The following ELF4 variants were observed in gnomAD, a reference collection of about 807,000 sequenced individuals.
The protein encoded by ELF4 is ETS-related transcription factor Elf-4.
ELF4 carries 10 observed loss-of-function variants against 31.7 expected under a neutral mutation model. That is an observed-to-expected ratio of 0.32 (90% confidence interval 0.19 to 0.54). The LOEUF is 0.54. ELF4 is among the 20% of genes least tolerant of loss of function. The pLI is 0.95. For missense variants in ELF4, 418 were observed against 522.0 expected, an observed-to-expected ratio of 0.80 and a Z score of 1.94; for synonymous variants, 208 against 226.7, an observed-to-expected ratio of 0.92 and a Z score of 0.74.
intron 2 of ELF4, among the ~76,000 whole-genome samples, chrX:130,078,762 TACA>T (rs1932858523): frequency 2.4e-5 from 2 of 84,886 alleles, no homozygotes; most frequent in African/African-American, 4.6e-5. Flanking sequence ...TCTCTCTCTC[TACA>T]CACACACACA....
rs994158688 is a variant in ELF4, at chrX:130,065,879, A to G, written c.*842T>C. On this transcript the variant is annotated 3_prime_UTR_variant, in exon 9 of 9. Coordinates refer to ENST00000308167, the MANE Select transcript of ELF4 (RefSeq NM_001421.4). The stretch of plus-strand genomic sequence containing the variant: ...CAGCAAAGCACTTTGGGGTGGCCCA[A>G]GATTCCAGCCTGACTGCAAGGTGAC... 5 of 173,475 alleles carry G rather than the reference A, an allele frequency of 2.9e-5. No homozygotes were observed. The highest frequency in any genetic ancestry group is 5.9e-5 in the African/African-American group (2 of 33,874). 14.3% of individuals were successfully genotyped at this position (173,475 alleles called of 1,213,427 possible). A position where few individuals can be genotyped will look rare whatever the true frequency, so the allele number is the denominator to read the frequency against.
At chrX:130,086,845 G>C (rs1029370330) in intron 1 of ELF4, among the ~76,000 whole-genome samples, 1 of 112,458 alleles carries the variant, frequency 8.9e-6, no homozygotes, top group Non-Finnish European at 1.9e-5. Context: ...AGAATACACA[G>C]GGTGGGGCTG....
chrX:130,064,373 G>T lies in ELF4; in HGVS notation c.*2348C>A, dbSNP rs923504946. On this transcript the variant is annotated 3_prime_UTR_variant, in exon 9 of 9. Transcript: ENST00000308167. ...GAATCACTTGAGCCTGGGAGGCAGA[G>T]GTTGCAGTGAACCGAGATTGCACCA... Among the ~76,000 whole-genome samples, 5 of 112,144 alleles carry T rather than the reference G, an allele frequency of 4.5e-5. No homozygotes were observed. Among genetic ancestry groups the T allele is most frequent in the African/African-American group, 1.6e-4 (5 of 30,823 alleles).
intron 1 of ELF4, among the ~76,000 whole-genome samples, chrX:130,100,614 C>A (rs1051516662): frequency 8.9e-6 from 1 of 111,839 alleles, no homozygotes; most frequent in African/African-American, 3.3e-5. Context: ...CCACCAACCC[C>A]ATGGAGCTGG....
chrX:130,110,033 A>C (rs1407434999), intron 1 of ELF4, among the ~76,000 whole-genome samples: 9 of 111,697 alleles, frequency 8.1e-5, no homozygotes, highest in African/African-American at 2.9e-4. Flanking sequence ...GCCCGCTGTC[A>C]TGATCGGCCC....
rs755550986 is a variant in ELF4 at position 130,071,253 on chromosome X, AGGGGCAGCCTGGGCAGCT to A, written c.617-39_617-22del. 35 of 1,209,865 alleles carry A rather than the reference AGGGGCAGCCTGGGCAGCT, an allele frequency of 2.9e-5. No homozygotes were observed. In the East Asian group the frequency reaches 1.0e-3, roughly 36 times the overall value. On this transcript the variant is annotated intron_variant, in intron 6 of 8. Transcript: ENST00000308167. Reference sequence around the variant, plus strand: ...GCTGCCTGCAGAGGGGCAGGCCGTGAGGGGCAGCCTGGGCAGCTGGGGCACCCTGGCAGCAGGGAAGGG... The same window carrying A: ...GCTGCCTGCAGAGGGGCAGGCCGTGAGGGGCACCCTGGCAGCAGGGAAGGG...
chrX:130,069,836 A>G (rs111808143), intron 7 of ELF4, among the ~76,000 whole-genome samples, 159 bp from the exon 8 acceptor site: 20 of 112,647 alleles, frequency 1.8e-4, no homozygotes, highest in Admixed American at 5.6e-4. Context: ...AAGGGAAAGG[A>G]TATGTCAACA....
chrX:130,077,134 C>T (rs144914700), intron 2 of ELF4, among the ~76,000 whole-genome samples: 1,489 of 110,914 alleles, frequency 0.013, 24 homozygotes, highest in African/African-American at 0.046. Context: ...CCACTAGTCA[C>T]GGGTGACTAT....
chrX:130,083,820 C>CTGGA (rs1335736467), intron 1 of ELF4, among the ~76,000 whole-genome samples: 3 of 101,750 alleles, frequency 2.9e-5, no homozygotes, highest in Non-Finnish European at 6.0e-5. Context: ...GGGTGGATGG[C>CTGGA]TGGATGGATG....
intron 3 of ELF4, 145 bp from the exon 4 acceptor site, chrX:130,074,286 G>A: frequency 1.5e-6 from 1 of 673,749 alleles, no homozygotes; most frequent in Non-Finnish European, 2.3e-6. Context: ...GCTAAGTGAG[G>A]GAGAAACAGG....
intron 1 of ELF4, 115 bp from the exon 2 acceptor site, chrX:130,081,654 G>A (rs1932889933): frequency 5.9e-6 from 2 of 339,490 alleles, no homozygotes; most frequent in African/African-American, 2.6e-5. Flanking sequence ...TGCCAATAGA[G>A]GAGTGGCCGA....
At chrX:130,081,214 T>G (rs367835064) in intron 2 of ELF4, 42 bp downstream of exon 2, 15 of 1,195,063 alleles carry the variant, frequency 1.3e-5, no homozygotes, top group Non-Finnish European at 1.5e-5. Flanking sequence ...TCTATCTGAT[T>G]GTCCACAGGG....
intron 1 of ELF4, among the ~76,000 whole-genome samples, chrX:130,101,780 C>T (rs1388136950): frequency 1.9e-5 from 2 of 106,667 alleles, no homozygotes; most frequent in Non-Finnish European, 3.8e-5. Flanking sequence ...GCCTGGGCGA[C>T]AAGAGGGAAA....
intron 1 of ELF4, among the ~76,000 whole-genome samples, chrX:130,101,738 G>A (rs1372402075): frequency 1.8e-5 from 2 of 110,895 alleles, no homozygotes; most frequent in Non-Finnish European, 3.8e-5. Flanking sequence ...GGCAGAGGTT[G>A]CAGTGAGCCG....
intron 2 of ELF4, among the ~76,000 whole-genome samples, chrX:130,079,706 G>A (rs978012088): frequency 9.0e-6 from 1 of 111,327 alleles, no homozygotes; most frequent in Non-Finnish European, 1.9e-5. Flanking sequence ...GATTGGAGGA[G>A]AGGCTGTCCG....
intron 1 of ELF4, among the ~76,000 whole-genome samples, chrX:130,100,300 A>G (rs1933227510): frequency 9.0e-6 from 1 of 110,833 alleles, no homozygotes; most frequent in South Asian, 3.8e-4. Flanking sequence ...GCCAACTCCT[A>G]CTCCAGGACA....
At chrX:130,093,203 G>A (rs1334266310) in intron 1 of ELF4, among the ~76,000 whole-genome samples, 1 of 108,774 alleles carries the variant, frequency 9.2e-6, no homozygotes, top group African/African-American at 3.4e-5. Flanking sequence ...TACTTGGGAG[G>A]CTGAGGCAGG....
chrX:130,068,176 CAT>C (rs1449303696), intron 8 of ELF4, among the ~76,000 whole-genome samples: 2 of 112,177 alleles, frequency 1.8e-5, no homozygotes, highest in Admixed American at 9.4e-5. Flanking sequence ...AAATGATTGA[CAT>C]GTGGCATTTC....
chrX:130,102,052 A>G (rs1014429168), intron 1 of ELF4, among the ~76,000 whole-genome samples: 1 of 111,987 alleles, frequency 8.9e-6, no homozygotes, highest in African/African-American at 3.2e-5. Flanking sequence ...AGGCTGAGGC[A>G]GGAGAATTGC....
Sources: gnomAD v4.1 joint callset for allele counts (sites outside exome capture counted in the v4.1 genomes callset) on GRCh38, gnomAD v4.1.1 for gene constraint, MANE v1.5 for transcripts, NCBI Gene and HGNC (gene_info 2026-07-23, HGNC 2026-07-21) for gene names.